Variants in ZFHX4 observed in about 807,000 individuals in gnomAD.
ZFHX4 encodes the protein zinc finger homeobox protein 4.
ZFHX4 carries 56 observed loss-of-function variants against 267.6 expected under a neutral mutation model. The ratio of observed to expected loss-of-function variants is 0.21; its 90% CI spans 0.17 to 0.26. The LOEUF is 0.26. Ranked by LOEUF, ZFHX4 falls within the 10% of genes least tolerant of loss-of-function variation. ZFHX4 has a pLI of 1.00. For missense variants in ZFHX4, 4,332 were observed against 4,420.0 expected (o/e 0.98, Z 0.56); for synonymous variants, 1,778 against 1,665.6 (o/e 1.07, Z -1.64).
At chr8:76,798,102 G>A (rs1344679413) in intron 4 of ZFHX4, among the ~76,000 whole-genome samples, 1 of 152,074 alleles carries the variant, frequency 6.6e-6, no homozygotes, top group Non-Finnish European at 1.5e-5. Context: ...ATAGAAAGAA[G>A]ATTACATTAG....
At chr8:76,749,331 C>T (rs1809554276) in intron 3 of ZFHX4, among the ~76,000 whole-genome samples, 1 of 152,130 alleles carries the variant, frequency 6.6e-6, no homozygotes, top group Non-Finnish European at 1.5e-5. Flanking sequence ...CTTCCCTCAT[C>T]GACTCTTTGT....
At chr8:76,800,151 G>A (rs181399293) in intron 4 of ZFHX4, among the ~76,000 whole-genome samples, 227 of 152,092 alleles carry the variant, frequency 1.5e-3, no homozygotes, top group Non-Finnish European at 2.4e-3. Flanking sequence ...TGAAGGAGTC[G>A]CACAATTAGG....
At position 76,705,773 on chromosome 8, in the gene ZFHX4, C is replaced by T; in HGVS notation, c.1685C>T (p.Ala562Val). The change falls in exon 2 of 11, where the codon GCA becomes GTA. Residue 562 changes from alanine to valine, a missense_variant. By Grantham distance (64) the Ala-to-Val change is moderately conservative. Transcript: ENST00000651372. ...ATCAGTGGCAAGGACTTTGCAGACG[C>T]AAGTGCCAGTAAAGACAGTGCCACA... ...YGISGKDFAD[A>V]SASKDSATAA... 1 of 1,613,986 alleles carries T rather than the reference C, an allele frequency of 6.2e-7. No homozygotes were observed. The highest frequency in any genetic ancestry group is 8.5e-7 in the Non-Finnish European group (1 of 1,179,886).
chr8:76,854,111 C>T lies in ZFHX4; in HGVS notation c.7190C>T (p.Pro2397Leu), dbSNP rs1440833686. 6.2e-7 allele frequency: 1 copy of T among 1,613,798 alleles called. No homozygotes were observed. Among genetic ancestry groups the T allele is most frequent in the Admixed American group, 1.7e-5 (1 of 59,988 alleles). Residue 2397 changes from proline (P) to leucine (L), a missense_variant, in exon 10 of 11, where the codon CCA becomes CTA. Physicochemically the swap from Pro to Leu is moderately conservative, Grantham distance 98. This residue lies in a region of ZFHX4 where 1,648 missense variants were observed against 1,625.0 expected (regional missense o/e 1.01). Transcript: ENST00000651372. ...TSTPLIPSPK[P>L]EPEKTSPKPE... is the part of the protein sequence containing the mutation. ...ACCCCCCTGATTCCATCACCCAAACCAGAACCTGAGAAGACTTCTCCAAAA... is the reference window on the plus strand; with the variant it reads ...ACCCCCCTGATTCCATCACCCAAACTAGAACCTGAGAAGACTTCTCCAAAA...
At chr8:76,799,327 C>G (rs1220656836) in intron 4 of ZFHX4, among the ~76,000 whole-genome samples, 1 of 152,064 alleles carries the variant, frequency 6.6e-6, no homozygotes, top group East Asian at 1.9e-4. Flanking sequence ...ACATGCTTTG[C>G]GTCTATTTTG....
rs184906498 is a variant in ZFHX4 at position 76,841,408 on chromosome 8, C to A, written c.3395-1247C>A. Among the ~76,000 whole-genome samples, 254 of 152,192 alleles carry A rather than the reference C, an allele frequency of 1.7e-3. 2 individuals are homozygous for A. The highest frequency in any genetic ancestry group is 3.2e-3 in the Non-Finnish European group (215 of 68,006). On this transcript the variant is annotated intron_variant, in intron 5 of 10. Transcript: ENST00000651372. ...GGGGGTGGAGAGGGCCACGATTTCC[C>A]CTTTCAATCACTATAGCATTTGCAA... is the stretch of plus-strand genomic sequence containing the variant.
intron 4 of ZFHX4, among the ~76,000 whole-genome samples, chr8:76,792,283 C>A (rs1019196935): frequency 2.6e-4 from 40 of 152,156 alleles, no homozygotes; most frequent in African/African-American, 8.9e-4. Flanking sequence ...TTAAAAAAAG[C>A]AAGGAACAGA....
intron 4 of ZFHX4, among the ~76,000 whole-genome samples, chr8:76,810,541 C>G (rs1292524189): frequency 1.3e-5 from 2 of 152,274 alleles, no homozygotes; most frequent in African/African-American, 4.8e-5. Flanking sequence ...TCAGAGGTCA[C>G]AGACAGGAAG....
At chr8:76,741,833 G>C (rs770217932) in intron 3 of ZFHX4, among the ~76,000 whole-genome samples, 1 of 152,144 alleles carries the variant, frequency 6.6e-6, no homozygotes, top group Non-Finnish European at 1.5e-5. Flanking sequence ...CAAAGCTTTT[G>C]TGTACTCCTC....
rs1364477556 is a variant in ZFHX4 at position 76,681,450 on chromosome 8, T to G, written c.-217T>G. The stretch of plus-strand genomic sequence containing the variant: ...GAGGACCGCTCCATGCCCCCCACTT[T>G]CTGCTCCAGCGTTTTTATTTTCACC... On this transcript the variant is annotated 5_prime_UTR_variant, in exon 1 of 11. Coordinates refer to ENST00000651372, the MANE Select transcript of ZFHX4 (RefSeq NM_024721.5). 5.0e-6 allele frequency: 2 copies of G among 398,498 alleles called. No individual in the cohort carries two copies. Among genetic ancestry groups the G allele is most frequent in the East Asian group, 7.1e-5 (2 of 28,014 alleles). 24.7% of individuals were successfully genotyped at this position (398,498 alleles called of 1,614,324 possible).
rs1382872779 is a variant in ZFHX4 at position 76,863,854 on chromosome 8, A to C, written c.10140A>C (p.Glu3380Asp). The part of the protein sequence containing the change: ...KSTATESTKE[E>D]PQLESKSADF... Reference sequence around the variant, plus strand: ...CTGCTACAGAAAGCACAAAAGAAGAACCCCAGTTAGAATCCAAAAGTGCAG... The same window carrying C: ...CTGCTACAGAAAGCACAAAAGAAGACCCCCAGTTAGAATCCAAAAGTGCAG... The change falls in exon 11 of 11, where the codon GAA (glutamate) becomes GAC (aspartate). Residue 3380 changes from glutamate (E) to aspartate (D), a missense_variant. Physicochemically the swap from Glu to Asp is conservative, Grantham distance 45. Around this residue, in one of 7 missense-constraint regions of ZFHX4, gnomAD observed 1,648 missense variants for 1,625.0 expected, o/e 1.01. Transcript: ENST00000651372. 6.4e-7 allele frequency: 1 copy of C among 1,556,060 alleles called. No homozygotes were observed. Among genetic ancestry groups the C allele is most frequent in the Non-Finnish European group, 8.7e-7 (1 of 1,149,224 alleles).
chr8:76,743,884 T>A (rs1039452795), intron 3 of ZFHX4, among the ~76,000 whole-genome samples: 1 of 152,198 alleles, frequency 6.6e-6, no homozygotes, highest in African/African-American at 2.4e-5. Context: ...AGACCTGTAG[T>A]TCATCCTAGT....
At chr8:76,772,023 GAC>G (rs1474318839) in intron 3 of ZFHX4, among the ~76,000 whole-genome samples, 1 of 152,096 alleles carries the variant, frequency 6.6e-6, no homozygotes, top group Non-Finnish European at 1.5e-5. Context: ...ATCTTTCACT[GAC>G]ACTGTGACCT....
chr8:76,682,758 G>A (rs1807575261), intron 1 of ZFHX4: 1 of 152,490 alleles, frequency 6.6e-6, no homozygotes, highest in Non-Finnish European at 1.5e-5. Flanking sequence ...CCCCCTAAAA[G>A]GGTTCCATGC....
chr8:76,681,813 C>G (rs1238833069), intron 1 of ZFHX4, among the ~76,000 whole-genome samples, 193 bp downstream of exon 1: 3 of 152,122 alleles, frequency 2.0e-5, no homozygotes, highest in African/African-American at 7.2e-5. Flanking sequence ...TCCCGACCAT[C>G]TCTTCCGCTC....
chr8:76,762,291 A>G (rs1035467631), intron 3 of ZFHX4, among the ~76,000 whole-genome samples: 4 of 152,190 alleles, frequency 2.6e-5, no homozygotes, highest in Admixed American at 2.0e-4. Context: ...TTATTTCTCT[A>G]TTAGGCATAA....
intron 3 of ZFHX4, among the ~76,000 whole-genome samples, chr8:76,763,921 A>C (rs1462394967): frequency 6.6e-6 from 1 of 152,182 alleles, no homozygotes; most frequent in Non-Finnish European, 1.5e-5. Flanking sequence ...TTGGATATGG[A>C]TCACATTAAT....
intron 3 of ZFHX4, among the ~76,000 whole-genome samples, chr8:76,777,314 T>A (rs1037028367): frequency 6.6e-6 from 1 of 152,170 alleles, no homozygotes; most frequent in African/African-American, 2.4e-5. Context: ...TTTAAGAGGA[T>A]CCTGTTACAT....
intron 4 of ZFHX4, among the ~76,000 whole-genome samples, chr8:76,832,166 C>G (rs1312664234): frequency 1.3e-5 from 2 of 152,014 alleles, no homozygotes; most frequent in African/African-American, 4.8e-5. Context: ...TAATTAAAGC[C>G]TTCAGAATCA....
Sources: gnomAD v4.1 joint callset for allele counts (sites outside exome capture counted in the v4.1 genomes callset) on GRCh38, gnomAD v4.1.1 for gene constraint, gnomAD v4.1.1 regional missense constraint, MANE v1.5 for transcripts, NCBI Gene and HGNC (gene_info 2026-07-23, HGNC 2026-07-21) for gene names.